The following ITGA9 variants were observed in gnomAD, a reference collection of about 807,000 sequenced individuals.
ITGA9 encodes integrin subunit alpha 9.
ITGA9 carries 56 observed loss-of-function variants against 127.8 expected under a neutral mutation model. That is an observed-to-expected ratio of 0.44 (90% CI 0.35 to 0.55). The LOEUF (loss-of-function observed/expected upper bound fraction) is 0.55. Among genes scored for constraint, ITGA9 ranks in the 20% least tolerant of loss-of-function variants. The pLI is 0.00. For synonymous variants in ITGA9, 508 were observed against 514.5 expected, an observed-to-expected ratio of 0.99 and a Z score of 0.17; for missense variants, 1,196 against 1,347.1, an observed-to-expected ratio of 0.89 and a Z score of 1.76.
chr3:37,485,467 A>G (rs930170017), intron 4 of ITGA9, among the ~76,000 whole-genome samples: 6 of 151,864 alleles, frequency 4.0e-5, no homozygotes, highest in Non-Finnish European at 7.4e-5. Context: ...GTGGGAGTCG[A>G]TGCTGTGATG....
At chr3:37,818,191 T>TTAAAAAAAAAAAAAAAAAAAAA (rs1553674108) in intron 27 of ITGA9, 4 of 31,970 alleles carry the variant, frequency 1.3e-4, no homozygotes, top group African/African-American at 3.8e-4. Flanking sequence ...TAAGACTCTC[T>TTAAAAAAAAAAAAAAAAAAAAA]AAAAAAAAAA....
Position 37,533,366 on chromosome 3 carries a change from A to G in ITGA9, c.1426A>G (p.Asn476Asp). The G allele has an allele frequency of 6.2e-7, 1 of 1,614,204 alleles. No individual in the cohort carries two copies. ...CTCCATCTTCCTCCCGGGCTCCATCAACATCACAGCGCCTCAGTGTCACGA... is the reference window on the plus strand; with the variant it reads ...CTCCATCTTCCTCCCGGGCTCCATCGACATCACAGCGCCTCAGTGTCACGA... ...DVSIFLPGSI[N>D]ITAPQCHDGQ... Residue 476 changes from asparagine to aspartate, a missense_variant, in exon 14 of 28, where the codon AAC becomes GAC. By Grantham distance (23) the Asn-to-Asp change is conservative. Coordinates refer to ENST00000264741, the MANE Select transcript of ITGA9 (RefSeq NM_002207.3).
intron 15 of ITGA9, among the ~76,000 whole-genome samples, chr3:37,551,970 G>A (rs1290110669): frequency 6.6e-6 from 1 of 152,238 alleles, no homozygotes; most frequent in African/African-American, 2.4e-5. Context: ...TGGGCATCCA[G>A]GGCTGGCTGC....
intron 16 of ITGA9, among the ~76,000 whole-genome samples, chr3:37,636,951 G>A (rs1289190823): frequency 8.6e-5 from 13 of 151,942 alleles, no homozygotes; most frequent in East Asian, 3.9e-4. Flanking sequence ...GTAGATATGC[G>A]GCGTTATTTC....
chr3:37,464,028 T>C (rs1480589747), intron 1 of ITGA9, among the ~76,000 whole-genome samples: 1 of 152,188 alleles, frequency 6.6e-6, no homozygotes, highest in Non-Finnish European at 1.5e-5. Context: ...GAGATAATTA[T>C]CTTTGGATAC....
intron 1 of ITGA9, among the ~76,000 whole-genome samples, chr3:37,468,330 G>A (rs752622890): frequency 1.3e-5 from 2 of 152,066 alleles, no homozygotes; most frequent in African/African-American, 4.8e-5. Context: ...CTCCAGTGAG[G>A]GGTGGGTCTC....
At chr3:37,658,286 G>T (rs530841784) in intron 17 of ITGA9, among the ~76,000 whole-genome samples, 1 of 152,276 alleles carries the variant, frequency 6.6e-6, no homozygotes, top group Non-Finnish European at 1.5e-5. Flanking sequence ...ACAGTGGAGT[G>T]TTAAAGTCTC....
At chr3:37,528,838 G>T (rs964703142) in intron 13 of ITGA9, among the ~76,000 whole-genome samples, 3 of 152,126 alleles carry the variant, frequency 2.0e-5, no homozygotes, top group African/African-American at 7.2e-5. Context: ...CACTGCATAC[G>T]CTGTGTGACT....
intron 27 of ITGA9, among the ~76,000 whole-genome samples, chr3:37,812,759 A>T (rs1001715468): frequency 2.6e-5 from 4 of 152,240 alleles, no homozygotes; most frequent in African/African-American, 9.6e-5. Context: ...CTTCTGCTAC[A>T]GATAGAACAG....
At chr3:37,643,419 A>G (rs563286438) in intron 16 of ITGA9, among the ~76,000 whole-genome samples, 3 of 152,352 alleles carry the variant, frequency 2.0e-5, no homozygotes, top group East Asian at 1.9e-4. Flanking sequence ...CCAACGGGAA[A>G]GGAGAGGGGA....
At chr3:37,712,316 C>T (rs1304116492) in intron 18 of ITGA9, among the ~76,000 whole-genome samples, 1 of 150,974 alleles carries the variant, frequency 6.6e-6, no homozygotes, top group Non-Finnish European at 1.5e-5. Context: ...GCATCCCCAC[C>T]CACCCTTTGG....
At chr3:37,531,462 A>G (rs888267951) in intron 13 of ITGA9, among the ~76,000 whole-genome samples, 2 of 152,260 alleles carry the variant, frequency 1.3e-5, no homozygotes, top group South Asian at 2.1e-4. Flanking sequence ...TGTTTTTCCA[A>G]CTTCCACTGA....
At chr3:37,498,470 G>A (rs556361321) in intron 5 of ITGA9, among the ~76,000 whole-genome samples, 3 of 152,346 alleles carry the variant, frequency 2.0e-5, no homozygotes, top group East Asian at 3.9e-4. Flanking sequence ...GTGGAGGCAG[G>A]GAGTGGTAGG....
chr3:37,498,488 G>A (rs927413048), intron 5 of ITGA9, among the ~76,000 whole-genome samples: 3 of 152,196 alleles, frequency 2.0e-5, no homozygotes, highest in Non-Finnish European at 4.4e-5. Flanking sequence ...AGGAGGAACC[G>A]GCGGGGCAGG....
At chr3:37,598,620 G>A (rs968164605) in intron 15 of ITGA9, among the ~76,000 whole-genome samples, 8 of 152,144 alleles carry the variant, frequency 5.3e-5, no homozygotes, top group African/African-American at 1.9e-4. Context: ...AGGGGTATTA[G>A]CCCTGAGATA....
At chr3:37,644,114 A>G (rs1454861873) in intron 16 of ITGA9, among the ~76,000 whole-genome samples, 1 of 152,218 alleles carries the variant, frequency 6.6e-6, no homozygotes, top group East Asian at 1.9e-4. Context: ...TTGAGCTGAA[A>G]TGAAAAGTTG....
intron 3 of ITGA9, among the ~76,000 whole-genome samples, chr3:37,478,241 G>A (rs574352341): frequency 1.8e-3 from 267 of 152,206 alleles, no homozygotes; most frequent in African/African-American, 6.2e-3. Context: ...AGTTGTGGCC[G>A]TGCACTGTGG....
chr3:37,513,564 C>T (rs999974220), intron 8 of ITGA9, among the ~76,000 whole-genome samples, 199 bp from the exon 9 acceptor site: 1 of 151,746 alleles, frequency 6.6e-6, no homozygotes, highest in African/African-American at 2.4e-5. Context: ...TTAGGTATAT[C>T]TCCTAATGTT....
intron 13 of ITGA9, among the ~76,000 whole-genome samples, chr3:37,526,358 T>C (rs1699093224): frequency 6.6e-6 from 1 of 150,874 alleles, no homozygotes; most frequent in Non-Finnish European, 1.5e-5. Flanking sequence ...GTAGCCTAAC[T>C]CTTAAGCCTA....
Sources: gnomAD v4.1 joint callset for allele counts (sites outside exome capture counted in the v4.1 genomes callset) on GRCh38, gnomAD v4.1.1 for gene constraint, MANE v1.5 for transcripts, NCBI Gene and HGNC (gene_info 2026-07-23, HGNC 2026-07-21) for gene names.